PRKCH: variants seen among roughly 807,000 people sequenced by gnomAD.
The protein encoded by PRKCH is protein kinase C eta type.
A neutral mutation model predicts 82.5 loss-of-function variants in PRKCH; 28 were observed. That is an observed-to-expected ratio of 0.34 (90% CI 0.25 to 0.47). The LOEUF (loss-of-function observed/expected upper bound fraction) is 0.47, where lower values mean the gene tolerates loss of function less well. PRKCH is among the 20% of genes least tolerant of loss of function. The pLI is 1.00. For missense variants in PRKCH, 705 were observed against 881.8 expected (o/e 0.80, Z 2.54); for synonymous variants, 322 against 327.4 (o/e 0.98, Z 0.18).
intron 1 of PRKCH, among the ~76,000 whole-genome samples, chr14:61,276,302 A>C (rs1475513028): frequency 1.3e-5 from 2 of 152,158 alleles, no homozygotes. Flanking sequence ...AGAGAGAAAA[A>C]ATCTGGAACA....
intron 1 of PRKCH, among the ~76,000 whole-genome samples, chr14:61,195,713 T>C (rs1434913275): frequency 2.6e-5 from 4 of 152,150 alleles, no homozygotes; most frequent in African/African-American, 9.7e-5. Flanking sequence ...AGTTAAGAGT[T>C]TGGTGAGGGG....
At chr14:61,361,480 G>T (rs2046224147) in intron 1 of PRKCH, among the ~76,000 whole-genome samples, 1 of 152,198 alleles carries the variant, frequency 6.6e-6, no homozygotes, top group African/African-American at 2.4e-5. Flanking sequence ...TAGAATTTCA[G>T]AGAGTTAATT....
chr14:61,356,878 C>T lies in PRKCH; in HGVS notation c.364-34347C>T, dbSNP rs572123765. ...TGTATTTTTAGTTGAGACAGGGTTT[C>T]GCCATGTTGGCCAGGCTTGTCTCGA... On this transcript the variant is annotated intron_variant, in intron 1 of 13. Coordinates refer to ENST00000332981, the MANE Select transcript of PRKCH (RefSeq NM_006255.5). 3.9e-5 allele frequency among the ~76,000 whole-genome samples: 6 copies of T among 152,256 alleles called. No homozygotes were observed. The South Asian group carries it at 1.2e-3, about 32-fold the overall frequency.
chr14:61,333,762 T>A (rs2045818856), intron 1 of PRKCH, among the ~76,000 whole-genome samples: 1 of 152,248 alleles, frequency 6.6e-6, no homozygotes, highest in South Asian at 2.1e-4. Flanking sequence ...TTTGTTAATA[T>A]AAACTTTTCC....
At chr14:61,224,677 G>A (rs115047079) in intron 1 of PRKCH, among the ~76,000 whole-genome samples, 1,649 of 152,234 alleles carry the variant, frequency 0.011, 20 homozygotes, top group African/African-American at 0.038. Context: ...CATCATATCC[G>A]GAGATCCATG....
intron 2 of PRKCH, among the ~76,000 whole-genome samples, chr14:61,425,996 GC>G (rs1883087744): frequency 6.6e-6 from 1 of 152,284 alleles, no homozygotes; most frequent in Non-Finnish European, 1.5e-5. Flanking sequence ...TTCCCCTTCT[GC>G]CATGATTGTA....
intron 1 of PRKCH, among the ~76,000 whole-genome samples, chr14:61,233,073 C>G (rs990267339): frequency 1.3e-5 from 2 of 152,154 alleles, no homozygotes; most frequent in Non-Finnish European, 2.9e-5. Flanking sequence ...TTACCAGAAA[C>G]CAATTCAATT....
At chr14:61,449,881 TC>T (rs1884407591) in intron 5 of PRKCH, among the ~76,000 whole-genome samples, 2 of 82,568 alleles carry the variant, frequency 2.4e-5, no homozygotes, top group African/African-American at 6.2e-5. Flanking sequence ...TCTCTCTCTC[TC>T]TCTCTCTCTC....
intron 10 of PRKCH, among the ~76,000 whole-genome samples, chr14:61,491,255 C>T (rs902858078): frequency 3.9e-5 from 6 of 152,206 alleles, no homozygotes; most frequent in African/African-American, 1.4e-4. Context: ...AATTTAACAG[C>T]TCTCTTTTCC....
At chr14:61,498,253 A>T (rs1267244855) in intron 10 of PRKCH, among the ~76,000 whole-genome samples, 2 of 152,072 alleles carry the variant, frequency 1.3e-5, no homozygotes, top group Non-Finnish European at 2.9e-5. Context: ...ACCTCAAGTG[A>T]TCCCCTACCT....
At chr14:61,521,747 C>T (rs898506872) in intron 10 of PRKCH, among the ~76,000 whole-genome samples, 3 of 152,004 alleles carry the variant, frequency 2.0e-5, no homozygotes, top group African/African-American at 7.3e-5. Context: ...CTTTTTAAAG[C>T]TTACCTGGAC....
At chr14:61,478,748 C>T (rs760640004) in intron 9 of PRKCH, among the ~76,000 whole-genome samples, 5 of 151,378 alleles carry the variant, frequency 3.3e-5, no homozygotes, top group Admixed American at 6.6e-5. Context: ...TGGTCCCAGC[C>T]GCACAGGAGG....
chr14:61,474,053 C>T (rs1009399895), intron 9 of PRKCH, among the ~76,000 whole-genome samples: 2 of 151,286 alleles, frequency 1.3e-5, no homozygotes, highest in Non-Finnish European at 2.9e-5. Flanking sequence ...AGAGAGGAGA[C>T]TTGAAGAAGG....
At chr14:61,266,337 G>GA (rs1192928393) in intron 1 of PRKCH, among the ~76,000 whole-genome samples, 16 of 152,140 alleles carry the variant, frequency 1.1e-4, no homozygotes, top group Non-Finnish European at 1.6e-4. Context: ...AGAATCACTT[G>GA]AACCTGGGAG....
intron 1 of PRKCH, among the ~76,000 whole-genome samples, chr14:61,315,974 C>G (rs1212212470): frequency 6.6e-6 from 1 of 152,146 alleles, no homozygotes; most frequent in African/African-American, 2.4e-5. Context: ...TCTCGAACTC[C>G]TGACCTCAGG....
At chr14:61,352,689 G>GGAAAGAAAGAAAGAAAGAAAGAAAGAAA (rs56406998) in intron 1 of PRKCH, among the ~76,000 whole-genome samples, 2 of 126,456 alleles carry the variant, frequency 1.6e-5, no homozygotes, top group Non-Finnish European at 1.6e-5. Flanking sequence ...AGAAAGGAAA[G>GGAAAGAAAGAAAGAAAGAAAGAAAGAAA]GAAAGAAAGA....
At chr14:61,549,298 C>T (rs1032380085) in intron 13 of PRKCH, among the ~76,000 whole-genome samples, 3 of 152,220 alleles carry the variant, frequency 2.0e-5, no homozygotes, top group Non-Finnish European at 4.4e-5. Context: ...CAAGTGTGAA[C>T]CTACCCAACC....
chr14:61,283,714 T>C (rs1252818884), intron 1 of PRKCH, among the ~76,000 whole-genome samples: 2 of 152,074 alleles, frequency 1.3e-5, no homozygotes, highest in African/African-American at 4.8e-5. Context: ...CTGGGTGTGG[T>C]GGCATGTGCC....
intron 10 of PRKCH, among the ~76,000 whole-genome samples, chr14:61,524,067 G>A (rs1043684028): frequency 1.3e-5 from 2 of 152,120 alleles, no homozygotes; most frequent in Non-Finnish European, 2.9e-5. Context: ...CATATAAATA[G>A]CCTCCTAGAT....
Sources: gnomAD v4.1 joint callset for allele counts (sites outside exome capture counted in the v4.1 genomes callset) on GRCh38, gnomAD v4.1.1 for gene constraint, MANE v1.5 for transcripts, NCBI Gene and HGNC (gene_info 2026-07-23, HGNC 2026-07-21) for gene names.